Variants in DPYD observed in about 807,000 individuals in gnomAD.
DPYD encodes the protein dihydropyrimidine dehydrogenase.
DPYD carries 109 observed loss-of-function variants against 116.2 expected under a neutral mutation model. That is an observed-to-expected ratio of 0.94 (90% confidence interval 0.80 to 1.10). DPYD has a LOEUF of 1.10. Ranked by LOEUF, DPYD falls within the 50% of genes least tolerant of loss-of-function variation. DPYD has a pLI of 0.00. For synonymous variants in DPYD, 440 were observed against 432.0 expected (o/e 1.02, Z -0.23); for missense variants, 1,302 against 1,254.5 (o/e 1.04, Z -0.57).
At chr1:97,323,500 ATATGTACATATG>A (rs1668489893) in intron 16 of DPYD, among the ~76,000 whole-genome samples, 1 of 43,910 alleles carries the variant, frequency 2.3e-5, no homozygotes, top group Non-Finnish European at 7.0e-5. Context: ...TATACATATC[ATATGTACATATG>A]TGTATATATA....
intron 14 of DPYD, 98 bp from the exon 15 acceptor site, chr1:97,382,559 A>G: frequency 1.5e-6 from 1 of 651,554 alleles, no homozygotes; most frequent in East Asian, 3.3e-5. Context: ...GGTAAACTAT[A>G]TTATAAAATT....
intron 3 of DPYD, among the ~76,000 whole-genome samples, chr1:97,745,115 T>C (rs1321771783): frequency 6.6e-6 from 1 of 152,060 alleles, no homozygotes; most frequent in African/African-American, 2.4e-5. Context: ...TACTTCTGAC[T>C]CTGCTTTTCT....
At chr1:97,201,774 T>C (rs1659224196) in intron 19 of DPYD, among the ~76,000 whole-genome samples, 1 of 152,164 alleles carries the variant, frequency 6.6e-6, no homozygotes, top group South Asian at 2.1e-4. Context: ...GAAATCAAAG[T>C]GAGAGTTTCT....
At chr1:97,409,113 T>G (rs937613353) in intron 14 of DPYD, among the ~76,000 whole-genome samples, 4 of 152,144 alleles carry the variant, frequency 2.6e-5, no homozygotes, top group Non-Finnish European at 5.9e-5. Context: ...GATATACATC[T>G]ATCCTATTAG....
intron 18 of DPYD, among the ~76,000 whole-genome samples, chr1:97,274,608 C>T (rs181610702): frequency 3.3e-5 from 5 of 152,218 alleles, no homozygotes; most frequent in Admixed American, 6.5e-5. Context: ...TAATATGAAC[C>T]AAAGTACAAA....
intron 13 of DPYD, among the ~76,000 whole-genome samples, chr1:97,487,544 G>A (rs1678715509): frequency 6.6e-6 from 1 of 152,046 alleles, no homozygotes; most frequent in African/African-American, 2.4e-5. Context: ...GTGGTGGCGG[G>A]CACCTGTAGT....
chr1:97,629,148 C>G (rs536527918), intron 8 of DPYD, among the ~76,000 whole-genome samples: 29 of 152,134 alleles, frequency 1.9e-4, no homozygotes, highest in African/African-American at 7.0e-4. Context: ...CATATCTAAT[C>G]TATCAGTAAA....
At chr1:97,379,746 G>A (rs537142408) in intron 15 of DPYD, among the ~76,000 whole-genome samples, 12 of 152,324 alleles carry the variant, frequency 7.9e-5, no homozygotes, top group African/African-American at 1.9e-4. Flanking sequence ...CAACTCAAAA[G>A]TTCAGAGGAA....
chr1:97,490,244 AC>A (rs1678892364), intron 13 of DPYD, among the ~76,000 whole-genome samples: 1 of 151,354 alleles, frequency 6.6e-6, no homozygotes, highest in Non-Finnish European at 1.5e-5. Flanking sequence ...TATACCGCTT[AC>A]TAACAGTTTT....
chr1:97,752,457 C>A (rs1664987299), intron 3 of DPYD, among the ~76,000 whole-genome samples: 1 of 152,082 alleles, frequency 6.6e-6, no homozygotes, highest in African/African-American at 2.4e-5. Context: ...AGTTTTAATG[C>A]AATCCTGGTG....
Position 97,899,241 on chromosome 1 carries a change from A to G in DPYD, c.40-15867T>C, listed in dbSNP as rs964471341. Among the ~76,000 whole-genome samples the G allele has an allele frequency of 8.6e-5, 13 of 151,904 alleles. 1 individual carries two copies. The South Asian group carries it at 2.7e-3, about 31-fold the overall frequency. On this transcript the variant is annotated intron_variant, in intron 1 of 22. Coordinates refer to ENST00000370192, the MANE Select transcript of DPYD (RefSeq NM_000110.4). Reference sequence around the variant, plus strand: ...TAACTGAAGTCAGTCACACAGCACTATATGTATACATGACTAACACGCAAT... The same window carrying G: ...TAACTGAAGTCAGTCACACAGCACTGTATGTATACATGACTAACACGCAAT...
intron 14 of DPYD, among the ~76,000 whole-genome samples, chr1:97,400,003 G>A (rs1673274877): frequency 6.6e-6 from 1 of 152,170 alleles, no homozygotes; most frequent in South Asian, 2.1e-4. Flanking sequence ...GGAGTGGTGA[G>A]AGAGGGCATC....
At chr1:97,832,351 T>C (rs926650295) in intron 2 of DPYD, among the ~76,000 whole-genome samples, 2 of 152,040 alleles carry the variant, frequency 1.3e-5, no homozygotes, top group African/African-American at 4.8e-5. Context: ...GTAAACTGCA[T>C]AAGTGAATAT....
chr1:97,125,115 C>T (rs544113902), intron 20 of DPYD, among the ~76,000 whole-genome samples: 11 of 152,092 alleles, frequency 7.2e-5, no homozygotes, highest in Non-Finnish European at 1.3e-4. Context: ...AGAAATAAGC[C>T]ACTTCTTTTG....
rs575014812 is a variant in DPYD, at chr1:97,636,720, G to A, written c.851-41554C>T. On this transcript the variant is annotated intron_variant, in intron 8 of 22. Coordinates refer to ENST00000370192, the MANE Select transcript of DPYD (RefSeq NM_000110.4). ...CAGCTTTACAATGTTATTTTCTACC[G>A]AAGAGTCTTGAATGCTTCCCCAGTA... 8.0e-4 allele frequency among the ~76,000 whole-genome samples: 122 copies of A among 152,116 alleles called. 1 individual carries two copies. In the South Asian group the frequency reaches 0.011, roughly 13 times the overall value.
At chr1:97,383,389 A>G (rs972990547) in intron 14 of DPYD, among the ~76,000 whole-genome samples, 2 of 151,054 alleles carry the variant, frequency 1.3e-5, no homozygotes, top group African/African-American at 4.9e-5. Flanking sequence ...AGACAGGAGA[A>G]TTGCTTGAAC....
intron 22 of DPYD, 24 bp downstream of exon 22, chr1:97,082,306 T>A (rs2101557652): frequency 6.2e-7 from 1 of 1,613,122 alleles, no homozygotes; most frequent in Non-Finnish European, 8.5e-7. Context: ...TCTCATAGCA[T>A]TCTAATTCCA....
At chr1:97,225,138 G>A (rs1427272451) in intron 19 of DPYD, among the ~76,000 whole-genome samples, 1 of 151,814 alleles carries the variant, frequency 6.6e-6, no homozygotes, top group Non-Finnish European at 1.5e-5. Context: ...AGGTCACATC[G>A]TAGTTCTGTT....
rs368397977 is a variant in DPYD, at chr1:97,149,283, G to A, written c.2622+43786C>T. On this transcript the variant is annotated intron_variant, in intron 20 of 22. Coordinates refer to ENST00000370192, the MANE Select transcript of DPYD (RefSeq NM_000110.4). ...TTTTATTTTTTTGTAACAGAGTCTCGCTCTGTCACCCACGCTGGAGTGCAG... is the reference window on the plus strand; with the variant it reads ...TTTTATTTTTTTGTAACAGAGTCTCACTCTGTCACCCACGCTGGAGTGCAG... Among the ~76,000 whole-genome samples, 16 of 152,120 alleles carry A rather than the reference G, an allele frequency of 1.1e-4. No homozygotes were observed. In the South Asian group the frequency reaches 2.9e-3, roughly 28 times the overall value.
Sources: allele counts gnomAD v4.1 joint callset (sites outside exome capture counted in the v4.1 genomes callset), GRCh38; gene constraint gnomAD v4.1.1; transcripts MANE v1.5; gene names NCBI Gene and HGNC (gene_info 2026-07-23, HGNC 2026-07-21).